Variants in PARK7 observed in about 807,000 individuals in gnomAD.
PARK7 encodes the protein Parkinsonism associated deglycase.
Under a neutral mutation model 20.5 loss-of-function variants are expected in PARK7, and 14 were observed. The observed-to-expected ratio is 0.68, with a 90% CI of 0.45 to 1.07. PARK7 has a LOEUF of 1.07. Among genes scored for constraint, PARK7 ranks in the 50% least tolerant of loss-of-function variants. The pLI is 0.00. For synonymous variants in PARK7, 98 were observed against 84.3 expected, an observed-to-expected ratio of 1.16 and a Z score of -0.89; for missense variants, 234 against 238.1, an observed-to-expected ratio of 0.98 and a Z score of 0.11.
At chr1:7,963,765 C>T (rs1640263823) in intron 2 of PARK7, among the ~76,000 whole-genome samples, 1 of 151,862 alleles carries the variant, frequency 6.6e-6, no homozygotes, top group South Asian at 2.1e-4. Context: ...CCCCTTCTTC[C>T]TTCCTTAAAG....
rs1640784062 is a variant in PARK7, at chr1:7,984,795, T to G, written c.410-99T>G. On this transcript the variant is annotated intron_variant, in intron 6 of 6. Transcript: ENST00000338639. This position sits in a 1 kb window ranked among gnomAD's most constrained non-coding sequence, Gnocchi z 4.3. Reference sequence around the variant, plus strand: ...GTTTTTGAATGGTTAGCTACAGTGTTGGGTTTATATGCTGTAATAGTGAAT... The same window carrying G: ...GTTTTTGAATGGTTAGCTACAGTGTGGGGTTTATATGCTGTAATAGTGAAT... 7.1e-7 allele frequency: 1 copy of G among 1,409,914 alleles called. No homozygotes were observed. Among genetic ancestry groups the G allele is most frequent in the Non-Finnish European group, 1.0e-6 (1 of 1,002,190 alleles). The allele number at this position is 1,409,914 out of a possible 1,614,324, so 87.3% of individuals were successfully genotyped here.
At chr1:7,983,292 A>C (rs138443993) in intron 6 of PARK7, among the ~76,000 whole-genome samples, 9 of 152,240 alleles carry the variant, frequency 5.9e-5, no homozygotes, top group Non-Finnish European at 1.2e-4. Flanking sequence ...TGGCCGGTGC[A>C]TCAGGATAGA....
chr1:7,969,431 C>T (rs1278311594), intron 4 of PARK7, 27 bp downstream of exon 4: 6 of 1,487,806 alleles, frequency 4.0e-6, no homozygotes, highest in East Asian at 4.5e-5. Context: ...AATTATACCT[C>T]AATAAAGCTG....
intron 4 of PARK7, 42 bp downstream of exon 4, chr1:7,969,446 G>GT (rs1640406862): frequency 2.2e-6 from 2 of 930,088 alleles, no homozygotes; most frequent in Non-Finnish European, 3.5e-6. Context: ...AAGCTGGGGG[G>GT]GGGGAAAAAC....
chr1:7,969,846 G>A (rs531961283), intron 4 of PARK7, among the ~76,000 whole-genome samples: 1 of 152,182 alleles, frequency 6.6e-6, no homozygotes, highest in South Asian at 2.1e-4. Context: ...CCAAAGTGCT[G>A]GAATTATAGG....
chr1:7,963,416 CTG>C (rs994574392), intron 2 of PARK7, among the ~76,000 whole-genome samples: 4 of 148,352 alleles, frequency 2.7e-5, no homozygotes, highest in African/African-American at 7.5e-5. Context: ...TGGTGTCTCT[CTG>C]TGTCGCTCAG....
At chr1:7,973,617 G>C (rs1368745937) in intron 5 of PARK7, among the ~76,000 whole-genome samples, 4 of 151,962 alleles carry the variant, frequency 2.6e-5, no homozygotes, top group Admixed American at 2.6e-4. Context: ...GGGAGGCTGA[G>C]GCAGGAGAAT....
chr1:7,979,831 A>G (rs1260110383), intron 6 of PARK7, among the ~76,000 whole-genome samples: 3 of 152,102 alleles, frequency 2.0e-5, no homozygotes, highest in Non-Finnish European at 2.9e-5. Context: ...CTAGAAAGAT[A>G]CTATGTTATC....
At chr1:7,967,183 C>T (rs918229160) in intron 3 of PARK7, among the ~76,000 whole-genome samples, 3 of 152,118 alleles carry the variant, frequency 2.0e-5, no homozygotes, top group Non-Finnish European at 4.4e-5. Context: ...ATTTGCTATT[C>T]CTGGCTTCTT....
rs1640791591 is a variant in PARK7, at chr1:7,985,040, G to A, written c.556G>A (p.Val186Ile). 1 of 1,614,188 alleles carries A rather than the reference G, an allele frequency of 6.2e-7. No individual in the cohort carries two copies. The highest frequency in any genetic ancestry group is 1.7e-4 in the Middle Eastern group (1 of 6,052). The change falls in exon 7 of 7, where the codon GTT (valine) becomes ATT (isoleucine). Residue 186 changes from valine (V) to isoleucine (I), a missense_variant. Physicochemically the swap from Val to Ile is conservative, Grantham distance 29. Transcript: ENST00000338639. The stretch of plus-strand genomic sequence containing the variant: ...GGCGGCTCAAGTGAAGGCTCCACTT[G>A]TTCTTAAAGACTAGAGCAGCGAACT... Reference protein sequence around the residue: ...EVAAQVKAPLVLKD With the variant: ...EVAAQVKAPLILKD
rs190696182 is a variant in PARK7 at position 7,977,790 on chromosome 1, C to T, written c.409+52C>T. On this transcript the variant is annotated intron_variant, in intron 6 of 6. Transcript: ENST00000338639. ...TTGTTTGTTTTTTGAGATGGAGTCT[C>T]GCTCCATCGCCCAGGCTGGAGTGCA... 6.9e-5 allele frequency: 102 copies of T among 1,473,294 alleles called. No homozygotes were observed. In the East Asian group the frequency reaches 8.8e-4, roughly 13 times the overall value. The allele number at this position is 1,473,294 out of a possible 1,614,324, so 91.3% of individuals were successfully genotyped here.
chr1:7,977,812 T>A (rs1341157939), intron 6 of PARK7, 74 bp downstream of exon 6: 4 of 1,295,770 alleles, frequency 3.1e-6, no homozygotes, highest in Non-Finnish European at 4.4e-6. Flanking sequence ...CAGGCTGGAG[T>A]GCAGTGGCGT....
chr1:7,979,109 A>G (rs1340447157), intron 6 of PARK7, among the ~76,000 whole-genome samples: 2 of 152,168 alleles, frequency 1.3e-5, no homozygotes, highest in Non-Finnish European at 2.9e-5. Context: ...GGTGGGCATG[A>G]AGGTGGTTTT....
intron 5 of PARK7, among the ~76,000 whole-genome samples, chr1:7,977,163 T>TCCTC (rs1455740432): frequency 1.3e-5 from 2 of 152,312 alleles, no homozygotes; most frequent in African/African-American, 4.8e-5. Flanking sequence ...GCCCCAGTGA[T>TCCTC]CCTCCCCCTC....
chr1:7,972,940 A>G (rs1286052827), intron 5 of PARK7, among the ~76,000 whole-genome samples: 1 of 152,066 alleles, frequency 6.6e-6, no homozygotes. Flanking sequence ...AATCCCAGCT[A>G]TCAGGAGGCT....
intron 3 of PARK7, among the ~76,000 whole-genome samples, chr1:7,966,133 C>G (rs368791881): frequency 1.3e-5 from 2 of 151,974 alleles, no homozygotes; most frequent in Admixed American, 1.3e-4. Flanking sequence ...TTGCACACTC[C>G]GTCGTGCGGT....
chr1:7,965,040 A>G (rs1640295622), intron 2 of PARK7, among the ~76,000 whole-genome samples: 1 of 152,156 alleles, frequency 6.6e-6, no homozygotes, highest in Non-Finnish European at 1.5e-5. Context: ...GTTGTGGTGC[A>G]GTATTTCCTG....
At position 7,970,892 on chromosome 1, in the gene PARK7, A is replaced by G; in HGVS notation, c.253-2A>G. 1.2e-6 allele frequency: 2 copies of G among 1,614,164 alleles called. No individual in the cohort carries two copies. Among genetic ancestry groups the G allele is most frequent in the Admixed American group, 1.7e-5 (1 of 60,026 alleles). Reference sequence around the variant, plus strand: ...ATGTATTTTTGGTTTTCTTTTCACTAGTCTGCTGCTGTGAAGGAGATACTG... The same window carrying G: ...ATGTATTTTTGGTTTTCTTTTCACTGGTCTGCTGCTGTGAAGGAGATACTG... On this transcript the variant is annotated splice_acceptor_variant, in intron 4 of 6. Coordinates refer to ENST00000338639, the MANE Select transcript of PARK7 (RefSeq NM_007262.5). LOFTEE classifies it high-confidence loss of function.
intron 2 of PARK7, among the ~76,000 whole-genome samples, chr1:7,963,315 C>T (rs1047333074): frequency 2.0e-5 from 3 of 152,176 alleles, no homozygotes; most frequent in Non-Finnish European, 4.4e-5. Flanking sequence ...CCACCCGCCT[C>T]AGGCCTCCCA....
Sources: gnomAD v4.1 joint callset for allele counts (sites outside exome capture counted in the v4.1 genomes callset) on GRCh38, gnomAD v4.1.1 for gene constraint, Gnocchi (gnomAD v3.1) non-coding constraint, MANE v1.5 for transcripts, NCBI Gene and HGNC (gene_info 2026-07-23, HGNC 2026-07-21) for gene names.